SMOC2: variants seen among roughly 807,000 people sequenced by gnomAD.
SMOC2 encodes SPARC related modular calcium binding 2.
A neutral mutation model predicts 61.4 loss-of-function variants in SMOC2; 39 were observed. The ratio of observed to expected loss-of-function variants is 0.64; its 90% CI spans 0.49 to 0.83. The LOEUF is 0.83. SMOC2 is among the 40% of genes least tolerant of loss of function. The pLI, the probability that SMOC2 is intolerant of heterozygous loss-of-function variation, is 0.00. For synonymous variants in SMOC2, 247 were observed against 239.9 expected (o/e 1.03, Z -0.27); for missense variants, 556 against 592.9 (o/e 0.94, Z 0.65).
intron 9 of SMOC2, among the ~76,000 whole-genome samples, chr6:168,647,918 G>A (rs1249517933): frequency 6.6e-6 from 1 of 152,078 alleles, no homozygotes; most frequent in Admixed American, 6.6e-5. Context: ...AGTACATAAT[G>A]CTTTTTATGT....
chr6:168,631,408 C>A (rs1786566932), intron 9 of SMOC2, among the ~76,000 whole-genome samples: 1 of 152,126 alleles, frequency 6.6e-6, no homozygotes, highest in South Asian at 2.1e-4. Flanking sequence ...ACTTAGAGGA[C>A]AGGAAAGGTT....
intron 12 of SMOC2, chr6:168,664,400 T>C (rs1341705695): frequency 1.5e-5 from 2 of 133,846 alleles, no homozygotes; most frequent in South Asian, 7.3e-5. Flanking sequence ...TTTTTTTTTT[T>C]TTTTTTTTTT....
Position 168,459,917 on chromosome 6 carries a change from G to T in SMOC2, c.84+18463G>T, listed in dbSNP as rs1583032068. ...GAGCCCCGAAGTCCGTGTGGTTGAC[G>T]CTGGCCCGATTCATTTTCTCTGTGC... On this transcript the variant is annotated intron_variant, in intron 1 of 12. Coordinates refer to ENST00000356284, the MANE Select transcript of SMOC2 (RefSeq NM_001166412.2). 2.0e-5 allele frequency among the ~76,000 whole-genome samples: 3 copies of T among 152,084 alleles called. 1 individual carries two copies. In the South Asian group the frequency reaches 6.2e-4, roughly 31 times the overall value.
chr6:168,530,198 G>A (rs1269169921), intron 4 of SMOC2, among the ~76,000 whole-genome samples: 3 of 152,134 alleles, frequency 2.0e-5, no homozygotes, highest in Non-Finnish European at 4.4e-5. Context: ...ACATGCAAAC[G>A]TAACTTGAGG....
intron 2 of SMOC2, 67 bp from the exon 3 acceptor site, chr6:168,526,279 T>C: frequency 7.0e-7 from 1 of 1,422,342 alleles, no homozygotes. Context: ...CATCTTTCAA[T>C]GTTCCTATAT....
intron 1 of SMOC2, among the ~76,000 whole-genome samples, chr6:168,444,887 G>C (rs910375782): frequency 2.6e-5 from 4 of 152,138 alleles, no homozygotes; most frequent in Non-Finnish European, 5.9e-5. Context: ...GAACAATATT[G>C]CCTGGGACCC....
intron 2 of SMOC2, among the ~76,000 whole-genome samples, chr6:168,519,760 A>G (rs989524898): frequency 3.3e-5 from 5 of 152,170 alleles, no homozygotes; most frequent in African/African-American, 4.8e-5. Context: ...TTACACAATC[A>G]TCCATTTCGA....
At chr6:168,462,620 G>C (rs1217136601) in intron 1 of SMOC2, among the ~76,000 whole-genome samples, 4 of 152,146 alleles carry the variant, frequency 2.6e-5, no homozygotes, top group Non-Finnish European at 5.9e-5. Flanking sequence ...GGCTTATGAT[G>C]AATGACACGA....
At chr6:168,486,542 C>T (rs1246920304) in intron 1 of SMOC2, among the ~76,000 whole-genome samples, 6 of 151,742 alleles carry the variant, frequency 4.0e-5, no homozygotes, top group Non-Finnish European at 8.8e-5. Flanking sequence ...TTTGATTTGG[C>T]GTATTCTTAC....
At chr6:168,647,568 A>G (rs1787070965) in intron 9 of SMOC2, among the ~76,000 whole-genome samples, 1 of 152,226 alleles carries the variant, frequency 6.6e-6, no homozygotes, top group Admixed American at 6.5e-5. Context: ...CCCTGTGGGC[A>G]ACAGTGGGGA....
At chr6:168,483,967 A>G (rs1040929147) in intron 1 of SMOC2, among the ~76,000 whole-genome samples, 1 of 152,204 alleles carries the variant, frequency 6.6e-6, no homozygotes, top group African/African-American at 2.4e-5. Context: ...CCTAAAGGTA[A>G]GACCTAAAAC....
At chr6:168,460,179 T>G (rs1200069625) in intron 1 of SMOC2, among the ~76,000 whole-genome samples, 1 of 152,202 alleles carries the variant, frequency 6.6e-6, no homozygotes, top group Non-Finnish European at 1.5e-5. Flanking sequence ...TTAGCACACT[T>G]AAGACCTATG....
At chr6:168,487,180 C>T (rs768285624) in intron 1 of SMOC2, among the ~76,000 whole-genome samples, 13 of 152,140 alleles carry the variant, frequency 8.5e-5, no homozygotes, top group East Asian at 1.9e-4. Context: ...TCTTTTTCCC[C>T]GGCAAAGCTG....
At chr6:168,657,965 G>A (rs113913370) in intron 11 of SMOC2, among the ~76,000 whole-genome samples, 1 of 152,160 alleles carries the variant, frequency 6.6e-6, no homozygotes, top group Non-Finnish European at 1.5e-5. Context: ...ACCATAACAG[G>A]CTGCTTTCTT....
rs1784184304 is a variant in SMOC2 at position 168,553,892 on chromosome 6, A to C, written c.637+4689A>C. 6.6e-6 allele frequency among the ~76,000 whole-genome samples: 1 copy of C among 151,776 alleles called. No homozygotes were observed. The highest frequency in any genetic ancestry group is 6.5e-5 in the Admixed American group (1 of 15,276). ...TTTGGTAGGAGGATTATTCCATGGG[A>C]CGAGTCGATTAAAACTTGCTTTTGA... On this transcript the variant is annotated intron_variant, in intron 7 of 12. Transcript: ENST00000356284. This position sits in a 1 kb window ranked among gnomAD's most constrained non-coding sequence, Gnocchi z 4.2.
chr6:168,500,885 T>C (rs1427841881), intron 1 of SMOC2, among the ~76,000 whole-genome samples: 1 of 152,270 alleles, frequency 6.6e-6, no homozygotes, highest in East Asian at 1.9e-4. Flanking sequence ...CTTTTGTAGC[T>C]AAAGCAATAA....
intron 1 of SMOC2, among the ~76,000 whole-genome samples, chr6:168,507,541 T>C (rs1281171019): frequency 6.6e-6 from 1 of 152,160 alleles, no homozygotes; most frequent in African/African-American, 2.4e-5. Flanking sequence ...TGGAGGACCT[T>C]CCCATGGCAC....
At chr6:168,648,169 T>C (rs772147667) in intron 9 of SMOC2, among the ~76,000 whole-genome samples, 1 of 152,224 alleles carries the variant, frequency 6.6e-6, no homozygotes, top group Non-Finnish European at 1.5e-5. Flanking sequence ...AAACGCCTTT[T>C]CTCCCAGATA....
intron 2 of SMOC2, among the ~76,000 whole-genome samples, chr6:168,518,529 ATG>A (rs369399189): frequency 8.1e-4 from 115 of 141,464 alleles, no homozygotes; most frequent in African/African-American, 1.8e-3. Flanking sequence ...GCATGTGTGG[ATG>A]TGTGAGAGCG....
Sources: gnomAD v4.1 joint callset for allele counts (sites outside exome capture counted in the v4.1 genomes callset) on GRCh38, gnomAD v4.1.1 for gene constraint, Gnocchi (gnomAD v3.1) non-coding constraint, MANE v1.5 for transcripts, NCBI Gene and HGNC (gene_info 2026-07-23, HGNC 2026-07-21) for gene names.